NPHP1: variants seen among roughly 807,000 people sequenced by gnomAD.
NPHP1 encodes the protein nephrocystin 1.
A neutral mutation model predicts 90.4 loss-of-function variants in NPHP1; 70 were observed. The ratio of observed to expected loss-of-function variants is 0.77; its 90% CI spans 0.64 to 0.95. The LOEUF (loss-of-function observed/expected upper bound fraction) is 0.95. Ranked by LOEUF, NPHP1 falls within the 40% of genes least tolerant of loss-of-function variation. The pLI is 0.00. For synonymous variants in NPHP1, 256 were observed against 271.7 expected, an observed-to-expected ratio of 0.94 and a Z score of 0.57; for missense variants, 764 against 795.9, an observed-to-expected ratio of 0.96 and a Z score of 0.48.
chr2:110,178,671 A>G (rs528860372), intron 3 of NPHP1, 124 bp from the exon 4 acceptor site: 1 of 756,728 alleles, frequency 1.3e-6, no homozygotes, highest in Non-Finnish European at 2.1e-6. Context: ...CATTACACCT[A>G]TCTTAGGGAA....
chr2:110,143,837 C>T, intron 15 of NPHP1, 196 bp from the exon 16 acceptor site: 1 of 571,396 alleles, frequency 1.8e-6, no homozygotes, highest in South Asian at 2.0e-5. Context: ...ACATGAGTTA[C>T]AGCATTATTG....
intron 4 of NPHP1, among the ~76,000 whole-genome samples, chr2:110,172,945 C>A (rs940363140): frequency 5.4e-5 from 8 of 148,244 alleles, no homozygotes; most frequent in African/African-American, 2.0e-4. Flanking sequence ...GTAGTAATTT[C>A]TTTTCTTTTT....
At position 110,197,512 on chromosome 2, in the gene NPHP1, C is replaced by T. The variant is rs558511957; in HGVS notation, c.143+3909G>A. Among the ~76,000 whole-genome samples, 7 of 152,156 alleles carry T rather than the reference C, an allele frequency of 4.6e-5. No homozygotes were observed. The South Asian group carries it at 8.3e-4, about 18-fold the overall frequency. ...GCAGGCAGGGTGAGCAGGGGGCCCA[C>T]GGCTGCCAGTGTAACATAAAACACG... On this transcript the variant is annotated intron_variant, in intron 2 of 19. Transcript: ENST00000445609.
In NPHP1 at chr2:110,178,516, T is replaced by C; in HGVS notation, c.236A>G (p.Asn79Ser). 6.2e-7 allele frequency: 1 copy of C among 1,613,802 alleles called. No homozygotes were observed. The highest frequency in any genetic ancestry group is 1.1e-5 in the South Asian group (1 of 91,062). Residue 79 changes from asparagine (N) to serine (S), a missense_variant, in exon 4 of 20, where the codon AAT (asparagine) becomes AGT (serine). Coordinates refer to ENST00000445609, the MANE Select transcript of NPHP1 (RefSeq NM_001128178.3). ...ADESAPVANY[N>S]QRKEEEHTLL... ...AGTATGCTCCTCTTCTTTTCTCTGA[T>C]TATAGTTTGCAACAGGTGCAGATTC...
chr2:110,201,339 G>A, intron 2 of NPHP1, 82 bp downstream of exon 2: 1 of 909,780 alleles, frequency 1.1e-6, no homozygotes, highest in Admixed American at 1.9e-5. Context: ...GATTCCAAAG[G>A]ACCAATCTCT....
At chr2:110,146,711 T>C in intron 14 of NPHP1, 42 bp downstream of exon 14, 1 of 1,420,844 alleles carries the variant, frequency 7.0e-7, no homozygotes, top group Non-Finnish European at 1.0e-6. Flanking sequence ...AAATGAATTT[T>C]TACAGAAGTA....
rs184619134 is a variant in NPHP1, at chr2:110,138,048, C to T, written c.1529+5494G>A. On this transcript the variant is annotated intron_variant, in intron 16 of 19. Coordinates refer to ENST00000445609, the MANE Select transcript of NPHP1 (RefSeq NM_001128178.3). ...TAGGGACATGGATGAAGCTGGAAAC[C>T]ATCATTCTCAGCAAACTATCGCAAG... 5.4e-3 allele frequency among the ~76,000 whole-genome samples: 823 copies of T among 151,932 alleles called. 13 individuals are homozygous for T. The highest frequency in any genetic ancestry group is 0.017 in the African/African-American group (703 of 41,396).
Position 110,161,683 on chromosome 2 carries a change from C to T in NPHP1, c.874G>A (p.Ala292Thr). The T allele has an allele frequency of 6.2e-7, 1 of 1,611,564 alleles. No individual in the cohort carries two copies. The change falls in exon 10 of 20, where the codon GCA becomes ACA. Residue 292 changes from alanine to threonine, a missense_variant. Transcript: ENST00000445609. ...QLLEEGNQFR[A>T]NYFLQPELMP... is the part of the protein sequence containing the mutation. ...AGCTCTGGTTGTAAGAAGTAATTTGCTCGAAATTGATTCCCTGAAAAAATC... is the reference window on the plus strand; with the variant it reads ...AGCTCTGGTTGTAAGAAGTAATTTGTTCGAAATTGATTCCCTGAAAAAATC...
At chr2:110,188,009 T>C (rs995850453) in intron 2 of NPHP1, among the ~76,000 whole-genome samples, 1 of 152,116 alleles carries the variant, frequency 6.6e-6, no homozygotes, top group Non-Finnish European at 1.5e-5. Context: ...ATTGAAGGAA[T>C]ATACCTCAAA....
At chr2:110,126,058 T>C (rs1344452792) in intron 18 of NPHP1, 1 of 287,090 alleles carries the variant, frequency 3.5e-6, no homozygotes, top group Non-Finnish European at 6.7e-6. Flanking sequence ...ATACCAAACT[T>C]TTCTACAATT....
intron 6 of NPHP1, among the ~76,000 whole-genome samples, chr2:110,167,723 T>C (rs1445154529): frequency 6.6e-6 from 1 of 152,158 alleles, no homozygotes; most frequent in African/African-American, 2.4e-5. Context: ...GGGTGGCTCT[T>C]GGGACTTGTG....
chr2:110,135,476 CAAAAAAAAAAAAA>C (rs66696927), intron 16 of NPHP1, among the ~76,000 whole-genome samples: 2 of 15,116 alleles, frequency 1.3e-4, no homozygotes, highest in South Asian at 2.4e-3. Flanking sequence ...GACCCCGTCT[CAAAAAAAAAAAAA>C]AAAAAAAAAA....
intron 11 of NPHP1, among the ~76,000 whole-genome samples, chr2:110,156,073 C>CT (rs35055335): frequency 0.51 from 72,416 of 142,006 alleles, 19,584 homozygotes; most frequent in Non-Finnish European, 0.61. Context: ...GCAGGTCTTT[C>CT]TTTTTTTTTT....
chr2:110,156,752 TTG>T (rs1253556611), intron 11 of NPHP1, among the ~76,000 whole-genome samples: 1 of 151,512 alleles, frequency 6.6e-6, no homozygotes, highest in Admixed American at 6.6e-5. Context: ...GCCTTTGGTT[TTG>T]TGTGTGTGTA....
chr2:110,146,682 G>T, intron 14 of NPHP1, 71 bp downstream of exon 14: 1 of 1,090,782 alleles, frequency 9.2e-7, no homozygotes, highest in Non-Finnish European at 1.4e-6. Context: ...GAACAAACCT[G>T]AGGTATCAAG....
rs1367421002 is a variant in NPHP1 at position 110,165,206 on chromosome 2, C to T, written c.625-51G>A. On this transcript the variant is annotated intron_variant, in intron 6 of 19. Transcript: ENST00000445609. ...GCTTTTTAACTAATGCAAAAAACAA[C>T]CAATAAAAATACCAGTACTGCCACC... The T allele has an allele frequency of 2.8e-6, 4 of 1,424,148 alleles. No individual in the cohort carries two copies. In the Admixed American group the frequency reaches 5.0e-5, roughly 18 times the overall value. 88.2% of individuals were successfully genotyped at this position (1,424,148 alleles called of 1,614,324 possible).
At chr2:110,151,453 G>A (rs577160598) in intron 11 of NPHP1, among the ~76,000 whole-genome samples, 1 of 152,126 alleles carries the variant, frequency 6.6e-6, no homozygotes, top group Non-Finnish European at 1.5e-5. Context: ...TCTTCCAAAG[G>A]AATGGATAAT....
chr2:110,141,169 A>AT (rs1467858254), intron 16 of NPHP1, among the ~76,000 whole-genome samples: 3 of 152,198 alleles, frequency 2.0e-5, no homozygotes, highest in East Asian at 3.9e-4. Flanking sequence ...ATGCCCCCTG[A>AT]TTTTACCAGC....
At chr2:110,188,699 G>A (rs911150395) in intron 2 of NPHP1, among the ~76,000 whole-genome samples, 3 of 151,838 alleles carry the variant, frequency 2.0e-5, no homozygotes, top group African/African-American at 4.8e-5. Context: ...GCCCAAATAA[G>A]CAAAAAGAAC....
Sources: gnomAD v4.1 joint callset for allele counts (sites outside exome capture counted in the v4.1 genomes callset) on GRCh38, gnomAD v4.1.1 for gene constraint, MANE v1.5 for transcripts, NCBI Gene and HGNC (gene_info 2026-07-23, HGNC 2026-07-21) for gene names.